EHBP1: variants seen among roughly 807,000 people sequenced by gnomAD.
EHBP1 encodes EH domain-binding protein 1.
Under a neutral mutation model 144.0 loss-of-function variants are expected in EHBP1, and 55 were observed. That is an observed-to-expected ratio of 0.38 (90% CI 0.31 to 0.48). The LOEUF (loss-of-function observed/expected upper bound fraction) is 0.48. EHBP1 is among the 20% of genes least tolerant of loss of function. EHBP1 has a pLI of 0.98. For missense variants in EHBP1, 1,200 were observed against 1,364.2 expected (o/e 0.88, Z 1.90); for synonymous variants, 469 against 472.7 (o/e 0.99, Z 0.10).
At chr2:62,682,125 G>A (rs1008632248) in intron 1 of EHBP1, among the ~76,000 whole-genome samples, 4 of 152,202 alleles carry the variant, frequency 2.6e-5, no homozygotes, top group Admixed American at 2.6e-4. Flanking sequence ...TTCAGAAGGA[G>A]GCTGGATAGC....
intron 13 of EHBP1, among the ~76,000 whole-genome samples, chr2:62,954,882 C>G (rs2057601026): frequency 2.0e-5 from 3 of 152,230 alleles, no homozygotes; most frequent in South Asian, 2.1e-4. Context: ...GAACTGATCT[C>G]TGTTGATGGA....
intron 5 of EHBP1, 122 bp from the exon 6 acceptor site, chr2:62,825,965 G>A: frequency 1.6e-6 from 1 of 610,866 alleles, no homozygotes; most frequent in Admixed American, 4.0e-5. Flanking sequence ...TTGTGTGATA[G>A]GAATGTAATA....
chr2:62,747,280 C>A, intron 2 of EHBP1, 115 bp from the exon 3 acceptor site: 1 of 788,396 alleles, frequency 1.3e-6, no homozygotes, highest in Non-Finnish European at 2.1e-6. Context: ...TTTATTGTAA[C>A]AGTAGCTGCT....
intron 5 of EHBP1, among the ~76,000 whole-genome samples, chr2:62,812,241 TC>T (rs2045073892): frequency 6.6e-6 from 1 of 152,184 alleles, no homozygotes; most frequent in South Asian, 2.1e-4. Flanking sequence ...AAGTTTCTTT[TC>T]TTAATAAATT....
At chr2:62,709,922 G>A (rs972861614) in intron 2 of EHBP1, among the ~76,000 whole-genome samples, 2 of 151,972 alleles carry the variant, frequency 1.3e-5, no homozygotes, top group African/African-American at 4.8e-5. Flanking sequence ...ACCAGGGAGG[G>A]CCTATTCATC....
At chr2:63,020,052 G>A (rs1173057427) in intron 19 of EHBP1, among the ~76,000 whole-genome samples, 5 of 151,936 alleles carry the variant, frequency 3.3e-5, no homozygotes, top group Non-Finnish European at 5.9e-5. Flanking sequence ...AAGGCCGGGC[G>A]AGGTGGCTCA....
chr2:62,832,228 A>G (rs1173588845), intron 7 of EHBP1, among the ~76,000 whole-genome samples: 1 of 152,142 alleles, frequency 6.6e-6, no homozygotes, highest in African/African-American at 2.4e-5. Context: ...ATAAAATTCA[A>G]AAGTCTCTTG....
intron 8 of EHBP1, 59 bp downstream of exon 8, chr2:62,859,350 A>AG (rs1490099301): frequency 3.4e-6 from 5 of 1,478,846 alleles, no homozygotes; most frequent in Non-Finnish European, 4.6e-6. Flanking sequence ...TTGAACTGTA[A>AG]GGGCAGGAAA....
At chr2:62,804,781 C>T (rs1423135343) in intron 5 of EHBP1, among the ~76,000 whole-genome samples, 1 of 152,134 alleles carries the variant, frequency 6.6e-6, no homozygotes, top group African/African-American at 2.4e-5. Context: ...GGCAAGCAAG[C>T]TTTAACTCCC....
chr2:62,750,738 T>C (rs776017333), intron 3 of EHBP1, among the ~76,000 whole-genome samples: 3 of 152,198 alleles, frequency 2.0e-5, no homozygotes, highest in Non-Finnish European at 4.4e-5. Flanking sequence ...TTATTCTCTT[T>C]GAAGCAATTG....
intron 20 of EHBP1, among the ~76,000 whole-genome samples, chr2:63,038,246 G>A (rs1056553379): frequency 1.3e-5 from 2 of 151,988 alleles, no homozygotes; most frequent in African/African-American, 2.4e-5. Context: ...GCAGGCTTAC[G>A]TGGTTTATTT....
chr2:62,926,252 A>G (rs1262246971), intron 10 of EHBP1, among the ~76,000 whole-genome samples: 1 of 152,154 alleles, frequency 6.6e-6, no homozygotes, highest in Non-Finnish European at 1.5e-5. Flanking sequence ...TAAGACCTGA[A>G]GCATTGAAAC....
chr2:63,045,665 A>G lies in EHBP1; in HGVS notation c.*165A>G, dbSNP rs1231832268. Reference sequence around the variant, plus strand: ...CCACCCTTTTCCTCCCTCCTTTCCAAATAATATACAGAACTCCAAAATAGC... The same window carrying G: ...CCACCCTTTTCCTCCCTCCTTTCCAGATAATATACAGAACTCCAAAATAGC... On this transcript the variant is annotated 3_prime_UTR_variant, in exon 23 of 23. Transcript: ENST00000431489. The surrounding 1 kb of genome is among the most constrained non-coding windows in gnomAD (Gnocchi z 5.7). The G allele has an allele frequency of 1.0e-5, 6 of 594,856 alleles. No individual in the cohort carries two copies. Among genetic ancestry groups the G allele is most frequent in the Non-Finnish European group, 1.8e-5 (6 of 335,560 alleles). 36.8% of individuals were successfully genotyped at this position (594,856 alleles called of 1,614,324 possible). A position where few individuals can be genotyped will look rare whatever the true frequency, so the allele number is the denominator to read the frequency against.
intron 15 of EHBP1, 33 bp downstream of exon 15, chr2:62,979,368 C>T (rs1226156727): frequency 6.2e-7 from 1 of 1,605,124 alleles, no homozygotes; most frequent in Non-Finnish European, 8.5e-7. Context: ...ATTCTACAGA[C>T]AACCCAGAAA....
intron 7 of EHBP1, among the ~76,000 whole-genome samples, chr2:62,852,879 A>C (rs1450493645): frequency 6.6e-6 from 1 of 152,162 alleles, no homozygotes; most frequent in South Asian, 2.1e-4. Context: ...TACGATTTAA[A>C]ACTATTGGCA....
chr2:62,965,009 A>G (rs1177102461), intron 14 of EHBP1: 1 of 152,644 alleles, frequency 6.6e-6, no homozygotes, highest in African/African-American at 2.4e-5. Flanking sequence ...TAGATTTGAA[A>G]ATTCACGAAA....
intron 10 of EHBP1, among the ~76,000 whole-genome samples, chr2:62,909,747 T>A (rs1231618230): frequency 3.3e-5 from 5 of 152,142 alleles, no homozygotes; most frequent in Admixed American, 6.5e-5. Context: ...TTCATTTTTT[T>A]ATTTTTGTTT....
At chr2:62,909,799 C>T (rs1164652241) in intron 10 of EHBP1, among the ~76,000 whole-genome samples, 1 of 151,972 alleles carries the variant, frequency 6.6e-6, no homozygotes, top group East Asian at 1.9e-4. Context: ...GCTCTGTCAC[C>T]CAGGCTGGAG....
At chr2:62,851,570 A>G (rs1035285424) in intron 7 of EHBP1, among the ~76,000 whole-genome samples, 2 of 152,124 alleles carry the variant, frequency 1.3e-5, no homozygotes, top group Admixed American at 6.6e-5. Flanking sequence ...TTACTTGCCT[A>G]TCTGTCCCAC....
Sources: gnomAD v4.1 joint callset for allele counts (sites outside exome capture counted in the v4.1 genomes callset) on GRCh38, gnomAD v4.1.1 for gene constraint, Gnocchi (gnomAD v3.1) non-coding constraint, MANE v1.5 for transcripts, NCBI Gene and HGNC (gene_info 2026-07-23, HGNC 2026-07-21) for gene names.